The following EPM2A variants were observed in gnomAD, a reference collection of about 807,000 sequenced individuals.
EPM2A encodes laforin.
In EPM2A, 21 loss-of-function variants were observed where a neutral mutation model predicts 26.5. The ratio of observed to expected loss-of-function variants is 0.79; its 90% CI spans 0.56 to 1.14. The LOEUF (loss-of-function observed/expected upper bound fraction) is 1.14. EPM2A is among the 50% of genes most tolerant of loss of function. EPM2A has a pLI of 0.00. For missense variants in EPM2A, 458 were observed against 440.8 expected (o/e 1.04, Z -0.35); for synonymous variants, 217 against 177.6 (o/e 1.22, Z -1.76).
chr6:145,503,168 A>G (rs1489825745), intron 2 of EPM2A, among the ~76,000 whole-genome samples: 1 of 152,218 alleles, frequency 6.6e-6, no homozygotes, highest in African/African-American at 2.4e-5. Context: ...GAAAGCTTTA[A>G]TGTAAGAGGG....
chr6:145,682,118 C>T lies in EPM2A; in HGVS notation c.476+4004G>A, dbSNP rs149491770. Among the ~76,000 whole-genome samples the T allele has an allele frequency of 4.3e-3, 659 of 152,216 alleles. 5 individuals carry two copies. The highest frequency in any genetic ancestry group is 0.014 in the African/African-American group (570 of 41,528). ...GAGGTTTAATGGACTCACAGTTCCA[C>T]GTGGCTCGGGAGGCCTCACAATCAC... On this transcript the variant is annotated intron_variant, in intron 2 of 3. Transcript: ENST00000367519.
At chr6:145,591,563 G>A (rs1781273466) in intron 2 of EPM2A, among the ~76,000 whole-genome samples, 1 of 152,070 alleles carries the variant, frequency 6.6e-6, no homozygotes, top group African/African-American at 2.4e-5. Context: ...AGTGTTGAAA[G>A]AACAAATCAC....
At chr6:145,563,376 G>C (rs1214367800) in intron 2 of EPM2A, among the ~76,000 whole-genome samples, 1 of 151,898 alleles carries the variant, frequency 6.6e-6, no homozygotes, top group African/African-American at 2.4e-5. Context: ...AGGAATGCAC[G>C]CAAAAGCCCA....
At chr6:145,532,942 T>C (rs549798512) in intron 2 of EPM2A, among the ~76,000 whole-genome samples, 1 of 152,284 alleles carries the variant, frequency 6.6e-6, no homozygotes, top group South Asian at 2.1e-4. Context: ...AAGTACAATT[T>C]GTCCCTTGAT....
At chr6:145,574,164 C>A (rs1010347835) in intron 2 of EPM2A, among the ~76,000 whole-genome samples, 13 of 152,090 alleles carry the variant, frequency 8.5e-5, no homozygotes, top group African/African-American at 2.4e-5. Context: ...GATTGAGGGG[C>A]CATGATTCTC....
At chr6:145,604,237 G>C (rs1167597450) in intron 2 of EPM2A, among the ~76,000 whole-genome samples, 2 of 152,098 alleles carry the variant, frequency 1.3e-5, no homozygotes, top group African/African-American at 4.8e-5. Context: ...AAATAAAGTA[G>C]TTTGTCCTTC....
At chr6:145,556,418 T>C (rs9399555) in intron 2 of EPM2A, among the ~76,000 whole-genome samples, 70,228 of 152,048 alleles carry the variant, frequency 0.46, 16,806 homozygotes, top group African/African-American at 0.56. Flanking sequence ...TTTCTGAGCT[T>C]AGAAGATAAA....
At chr6:145,415,022 C>T (rs1778689537) in intron 4 of EPM2A, among the ~76,000 whole-genome samples, 1 of 152,158 alleles carries the variant, frequency 6.6e-6, no homozygotes, top group Non-Finnish European at 1.5e-5. Flanking sequence ...CTGTGCACTC[C>T]ACCTAGATTG....
intron 2 of EPM2A, chr6:145,671,253 T>C: frequency 9.5e-7 from 1 of 1,051,854 alleles, no homozygotes; most frequent in Middle Eastern, 2.6e-4. Flanking sequence ...TAAAAATCAT[T>C]TATATACTGG....
chr6:145,723,384 T>C (rs1334458817), intron 1 of EPM2A, among the ~76,000 whole-genome samples: 2 of 152,068 alleles, frequency 1.3e-5, no homozygotes, highest in Non-Finnish European at 2.9e-5. Flanking sequence ...ACAAATAATC[T>C]AATTTCACAA....
chr6:145,693,964 AAAACTC>A (rs1429047216), intron 1 of EPM2A, among the ~76,000 whole-genome samples: 2 of 151,932 alleles, frequency 1.3e-5, no homozygotes, highest in Admixed American at 6.6e-5. Flanking sequence ...CTAGAATTTA[AAAACTC>A]ACAACTAACT....
At chr6:145,727,905 G>C (rs374699371) in intron 1 of EPM2A, among the ~76,000 whole-genome samples, 1 of 152,120 alleles carries the variant, frequency 6.6e-6, no homozygotes, top group Non-Finnish European at 1.5e-5. Context: ...TTGAAGGAGG[G>C]GCCTGGTGAG....
chr6:145,404,515 C>T (rs1778540636), intron 4 of EPM2A, among the ~76,000 whole-genome samples: 1 of 151,942 alleles, frequency 6.6e-6, no homozygotes. Flanking sequence ...TGAAGCTCGC[C>T]CTTCATTCAA....
chr6:145,398,304 G>A (rs370386303), intron 4 of EPM2A, among the ~76,000 whole-genome samples: 1 of 152,060 alleles, frequency 6.6e-6, no homozygotes, highest in Non-Finnish European at 1.5e-5. Context: ...AATCCCAAAA[G>A]CTTGCCTGAT....
At chr6:145,435,694 T>C (rs1156861861) in intron 4 of EPM2A, among the ~76,000 whole-genome samples, 1 of 152,058 alleles carries the variant, frequency 6.6e-6, no homozygotes, top group Non-Finnish European at 1.5e-5. Context: ...ATACAACTAC[T>C]AATATACTTC....
At chr6:145,594,891 T>C (rs1582883288) in intron 2 of EPM2A, among the ~76,000 whole-genome samples, 1 of 152,052 alleles carries the variant, frequency 6.6e-6, no homozygotes, top group Non-Finnish European at 1.5e-5. Flanking sequence ...TGAGGATTTA[T>C]AAAGATTTTA....
intron 2 of EPM2A, among the ~76,000 whole-genome samples, chr6:145,595,220 T>C (rs554173615): frequency 2.0e-5 from 3 of 152,098 alleles, no homozygotes; most frequent in South Asian, 2.1e-4. Flanking sequence ...TTGTATTCTC[T>C]ATTTTATTCT....
chr6:145,599,274 T>A (rs1204391503), intron 2 of EPM2A, among the ~76,000 whole-genome samples: 1 of 152,130 alleles, frequency 6.6e-6, no homozygotes, highest in Non-Finnish European at 1.5e-5. Context: ...TTTTGAATAA[T>A]TTTCTTTTAC....
chr6:145,524,523 AT>A (rs1272741911), intron 2 of EPM2A, among the ~76,000 whole-genome samples: 2 of 152,042 alleles, frequency 1.3e-5, no homozygotes, highest in Non-Finnish European at 2.9e-5. Flanking sequence ...TTCTCTTATT[AT>A]TAGTGATGTG....
Sources: gnomAD v4.1 joint callset for allele counts (sites outside exome capture counted in the v4.1 genomes callset) on GRCh38, gnomAD v4.1.1 for gene constraint, MANE v1.5 for transcripts, NCBI Gene and HGNC (gene_info 2026-07-23, HGNC 2026-07-21) for gene names.